Variants in AGPAT5 observed in about 807,000 individuals in gnomAD.
AGPAT5 encodes 1-acylglycerol-3-phosphate O-acyltransferase 5.
Under a neutral mutation model 45.6 loss-of-function variants are expected in AGPAT5, and 46 were observed. The observed-to-expected ratio is 1.01, with a 90% CI of 0.80 to 1.29. The LOEUF is 1.29. Among genes scored for constraint, AGPAT5 ranks in the 50% most tolerant of loss-of-function variants. The pLI, the probability that AGPAT5 is intolerant of heterozygous loss-of-function variation, is 0.00. For synonymous variants in AGPAT5, 272 were observed against 167.0 expected, an observed-to-expected ratio of 1.63 and a Z score of -4.85; for missense variants, 673 against 450.7, an observed-to-expected ratio of 1.49 and a Z score of -4.47.
chr8:6,733,249 C>G (rs1587030092), intron 4 of AGPAT5, among the ~76,000 whole-genome samples: 2 of 152,200 alleles, frequency 1.3e-5, no homozygotes, highest in Non-Finnish European at 2.9e-5. Flanking sequence ...GCGACTTGGG[C>G]TTTCTCTTTC....
chr8:6,738,470 A>G (rs915311545), intron 4 of AGPAT5: 1 of 152,210 alleles, frequency 6.6e-6, no homozygotes, highest in East Asian at 1.9e-4. Context: ...CAATAGTAAC[A>G]TCAGAGATCA....
At position 6,747,063 on chromosome 8, in the gene AGPAT5, A is replaced by G. The variant is rs568267672; in HGVS notation, c.587-607A>G. ...TTGTTCACCTGCAGCCTTCATATGCAATTCCTATGAATGTTCATAGCAGCA... is the reference window on the plus strand; with the variant it reads ...TTGTTCACCTGCAGCCTTCATATGCGATTCCTATGAATGTTCATAGCAGCA... On this transcript the variant is annotated intron_variant, in intron 5 of 7. Transcript: ENST00000285518. 2.7e-4 allele frequency among the ~76,000 whole-genome samples: 41 copies of G among 152,384 alleles called. No individual in the cohort carries two copies. The South Asian group carries it at 8.5e-3, about 32-fold the overall frequency.
chr8:6,720,162 T>C (rs991836837), intron 1 of AGPAT5, among the ~76,000 whole-genome samples: 1 of 152,074 alleles, frequency 6.6e-6, no homozygotes, highest in Non-Finnish European at 1.5e-5. Context: ...CACTAGATAG[T>C]GTCCACCAGG....
chr8:6,750,785 G>A (rs1801632171), intron 6 of AGPAT5, among the ~76,000 whole-genome samples: 1 of 151,768 alleles, frequency 6.6e-6, no homozygotes. Context: ...AGGCTCAGTG[G>A]GTGAGATTCA....
At position 6,755,334 on chromosome 8, in the gene AGPAT5, C is replaced by G. The variant is rs149508418; in HGVS notation, c.869+160C>G. ...ATGTCTGATCGTGTTTTAAACTTTACTTGTACAAATCAGTCTAAAAGAACT... is the reference window on the plus strand; with the variant it reads ...ATGTCTGATCGTGTTTTAAACTTTAGTTGTACAAATCAGTCTAAAAGAACT... On this transcript the variant is annotated intron_variant, in intron 7 of 7. Coordinates refer to ENST00000285518, the MANE Select transcript of AGPAT5 (RefSeq NM_018361.5). 4.6e-4 allele frequency among the ~76,000 whole-genome samples: 70 copies of G among 152,326 alleles called. 2 individuals carry two copies. Among genetic ancestry groups the G allele is most frequent in the Non-Finnish European group, 8.1e-4 (55 of 68,012 alleles).
intron 4 of AGPAT5, among the ~76,000 whole-genome samples, chr8:6,740,669 A>G (rs1261769823): frequency 6.6e-6 from 1 of 152,024 alleles, no homozygotes. Flanking sequence ...ACCAGTATCT[A>G]AAGAAAAAAT....
chr8:6,713,060 A>G (rs1800204816), intron 1 of AGPAT5, among the ~76,000 whole-genome samples: 1 of 152,194 alleles, frequency 6.6e-6, no homozygotes, highest in African/African-American at 2.4e-5. Context: ...TGGCACCATC[A>G]TTGCTCATTG....
rs118087575 is a variant in AGPAT5, at chr8:6,741,926, T to A, written c.586+175T>A. 4.2e-3 allele frequency among the ~76,000 whole-genome samples: 637 copies of A among 152,300 alleles called. 2 individuals carry two copies. Among genetic ancestry groups the A allele is most frequent in the Non-Finnish European group, 7.0e-3 (475 of 67,990 alleles). On this transcript the variant is annotated intron_variant, in intron 5 of 7. Coordinates refer to ENST00000285518, the MANE Select transcript of AGPAT5 (RefSeq NM_018361.5). ...TGAAGTTTCTTCTCCTTAATTCACT[T>A]TCATGCTATTATTACATATATCTGA... is the stretch of plus-strand genomic sequence containing the variant.
At chr8:6,718,558 T>C (rs987107681) in intron 1 of AGPAT5, among the ~76,000 whole-genome samples, 1 of 152,194 alleles carries the variant, frequency 6.6e-6, no homozygotes, top group Admixed American at 6.5e-5. Flanking sequence ...GCAAGTTCTG[T>C]TAGATGTAGT....
At chr8:6,712,728 A>G (rs2116847646) in intron 1 of AGPAT5, among the ~76,000 whole-genome samples, 1 of 152,376 alleles carries the variant, frequency 6.6e-6, no homozygotes, top group East Asian at 1.9e-4. Flanking sequence ...TTTATAGCCT[A>G]GAATTCTATC....
chr8:6,718,337 C>G (rs1242697928), intron 1 of AGPAT5, among the ~76,000 whole-genome samples: 1 of 152,188 alleles, frequency 6.6e-6, no homozygotes, highest in Non-Finnish European at 1.5e-5. Context: ...GGCTTTGATG[C>G]TTGCTTTCTT....
rs1210108203 is a variant in AGPAT5 at position 6,760,943 on chromosome 8, A to G, written c.*3555A>G. Among the ~76,000 whole-genome samples the G allele has an allele frequency of 6.6e-6, 1 of 152,156 alleles. No individual in the cohort carries two copies. The highest frequency in any genetic ancestry group is 1.5e-5 in the Non-Finnish European group (1 of 68,026). ...TGCTCGTCTGTACAATCGCTAATTT[A>G]CTCAGTTTAGAGTAGCTACAACTCT... On this transcript the variant is annotated 3_prime_UTR_variant, in exon 8 of 8. Transcript: ENST00000285518.
chr8:6,747,651 G>T lies in AGPAT5; in HGVS notation c.587-19G>T. Reference sequence around the variant, plus strand: ...GGTGTTTTGTAACTAATTAATGACGGCACTGAATTGACTTCTAGGCCTTGC... The same window carrying T: ...GGTGTTTTGTAACTAATTAATGACGTCACTGAATTGACTTCTAGGCCTTGC... On this transcript the variant is annotated intron_variant, in intron 5 of 7. Transcript: ENST00000285518. 2 of 1,601,298 alleles carry T rather than the reference G, an allele frequency of 1.2e-6. No individual in the cohort carries two copies. Among genetic ancestry groups the T allele is most frequent in the South Asian group, 2.2e-5 (2 of 89,754 alleles).
At chr8:6,730,322 T>TGAAGCCCA (rs1587023687) in intron 2 of AGPAT5, among the ~76,000 whole-genome samples, 30 of 35,256 alleles carry the variant, frequency 8.5e-4, no homozygotes, top group Non-Finnish European at 1.2e-3. Context: ...ATAGGACTTT[T>TGAAGCCCA]TTTTTTTTTT....
chr8:6,722,690 C>A (rs1800544271), intron 1 of AGPAT5, among the ~76,000 whole-genome samples: 1 of 152,188 alleles, frequency 6.6e-6, no homozygotes, highest in African/African-American at 2.4e-5. Flanking sequence ...TAATTCAGGC[C>A]TTCTCCTGAA....
At chr8:6,728,431 A>T (rs1415749058) in intron 2 of AGPAT5, among the ~76,000 whole-genome samples, 1 of 152,234 alleles carries the variant, frequency 6.6e-6, no homozygotes, top group African/African-American at 2.4e-5. Context: ...TTATATTTTG[A>T]CTAGTTAAGC....
chr8:6,708,920 C>A lies in AGPAT5; in HGVS notation c.219+33C>A, dbSNP rs372618285. The A allele has an allele frequency of 2.1e-3, 3,299 of 1,577,740 alleles. 5 individuals are homozygous for A. Among genetic ancestry groups the A allele is most frequent in the Non-Finnish European group, 2.6e-3 (2,989 of 1,163,710 alleles). On this transcript the variant is annotated intron_variant, in intron 1 of 7. Transcript: ENST00000285518. The stretch of plus-strand genomic sequence containing the variant: ...GCCTCCCGCTCCCGGGTCTCGGCGT[C>A]CACCCGAGCTCCCGGGGGCGCGGAC...
chr8:6,732,596 T>G lies in AGPAT5; in HGVS notation c.441T>G (p.Phe147Leu). Residue 147 changes from phenylalanine (F) to leucine (L), a missense_variant, in exon 4 of 8, where the codon TTT (phenylalanine) becomes TTG (leucine). Phe to Leu is a conservative substitution (Grantham distance 22, BLOSUM62 0). Transcript: ENST00000285518. Reference sequence around the variant, plus strand: ...TCTATGTAAAGCGCAGTGCCAAATTTAACGAGAAAGAGATGCGAAACAAGT... The same window carrying G: ...TCTATGTAAAGCGCAGTGCCAAATTGAACGAGAAAGAGATGCGAAACAAGT... ...GGIYVKRSAK[F>L]NEKEMRNKLQ... 1.2e-6 allele frequency: 2 copies of G among 1,611,138 alleles called. No homozygotes were observed. The highest frequency in any genetic ancestry group is 1.1e-5 in the South Asian group (1 of 90,500).
chr8:6,752,510 G>C (rs1587067743), intron 6 of AGPAT5, among the ~76,000 whole-genome samples: 1 of 152,122 alleles, frequency 6.6e-6, no homozygotes, highest in South Asian at 2.1e-4. Flanking sequence ...TTTAACAGCA[G>C]TTATCTCCCC....
Sources: gnomAD v4.1 joint callset for allele counts (sites outside exome capture counted in the v4.1 genomes callset) on GRCh38, gnomAD v4.1.1 for gene constraint, MANE v1.5 for transcripts, NCBI Gene and HGNC (gene_info 2026-07-23, HGNC 2026-07-21) for gene names.